Variants in SLC24A2 observed in about 807,000 individuals in gnomAD.
The protein encoded by SLC24A2 is solute carrier family 24 member 2, also known as sodium/potassium/calcium exchanger 2.
Under a neutral mutation model 62.0 loss-of-function variants are expected in SLC24A2, and 36 were observed. The ratio of observed to expected loss-of-function variants is 0.58; its 90% confidence interval spans 0.44 to 0.77. The LOEUF is 0.77. Ranked by LOEUF, SLC24A2 falls within the 30% of genes least tolerant of loss-of-function variation. The pLI is 0.00. For missense variants in SLC24A2, 846 were observed against 817.9 expected (o/e 1.03, Z -0.42); for synonymous variants, 358 against 294.0 (o/e 1.22, Z -2.23).
the SLC24A2 span, among the ~76,000 whole-genome samples, chr9:19,921,777 G>T: frequency 6.6e-6 from 1 of 152,116 alleles, no homozygotes; most frequent in Admixed American, 6.5e-5. Context: ...ACGGTACAAG[G>T]CCTCTTTTCA....
At chr9:20,129,682 C>A in the SLC24A2 span, among the ~76,000 whole-genome samples, 1 of 152,058 alleles carries the variant, frequency 6.6e-6, no homozygotes, top group East Asian at 1.9e-4. Flanking sequence ...CAAAAAAAGA[C>A]CACAAGTTTT....
the SLC24A2 span, among the ~76,000 whole-genome samples, chr9:20,047,000 A>G: frequency 6.6e-6 from 1 of 152,006 alleles, no homozygotes. Flanking sequence ...CCTTATTTTT[A>G]CGGGACTACT....
chr9:20,093,464 A>G, the SLC24A2 span, among the ~76,000 whole-genome samples: 2 of 152,158 alleles, frequency 1.3e-5, no homozygotes, highest in Non-Finnish European at 2.9e-5. Context: ...TAGTATATAC[A>G]TGAGTTTGAG....
chr9:19,675,237 C>A (rs886872815), intron 2 of SLC24A2, among the ~76,000 whole-genome samples: 1 of 152,196 alleles, frequency 6.6e-6, no homozygotes, highest in African/African-American at 2.4e-5. Flanking sequence ...TAGATACCAG[C>A]ACCTGCTCCA....
At chr9:19,968,260 T>A in the SLC24A2 span, among the ~76,000 whole-genome samples, 1 of 152,208 alleles carries the variant, frequency 6.6e-6, no homozygotes, top group Non-Finnish European at 1.5e-5. Flanking sequence ...GGGACCCACA[T>A]GGGCCACAGA....
At chr9:20,135,972 TA>T in the SLC24A2 span, among the ~76,000 whole-genome samples, 1 of 152,120 alleles carries the variant, frequency 6.6e-6, no homozygotes, top group South Asian at 2.1e-4. Context: ...AACAAACATT[TA>T]CTGAAGATCT....
intron 7 of SLC24A2, among the ~76,000 whole-genome samples, chr9:19,551,467 C>A (rs1358576599): frequency 1.3e-5 from 2 of 152,120 alleles, no homozygotes; most frequent in African/African-American, 4.8e-5. Context: ...TCAATACTTC[C>A]AAAACAGCAC....
chr9:20,217,987 C>A, the SLC24A2 span, among the ~76,000 whole-genome samples: 1 of 152,328 alleles, frequency 6.6e-6, no homozygotes, highest in Admixed American at 6.5e-5. Flanking sequence ...GAAACCCCAG[C>A]TTCATTTCTG....
intron 7 of SLC24A2, among the ~76,000 whole-genome samples, chr9:19,563,215 G>A (rs913653361): frequency 6.6e-6 from 1 of 152,064 alleles, no homozygotes; most frequent in Non-Finnish European, 1.5e-5. Flanking sequence ...TTCTAGTGGT[G>A]TCAGACATAA....
intron 2 of SLC24A2, among the ~76,000 whole-genome samples, chr9:19,769,573 T>C (rs1822622868): frequency 6.6e-6 from 1 of 152,258 alleles, no homozygotes; most frequent in Non-Finnish European, 1.5e-5. Context: ...GACCCTACAC[T>C]TACTGACCCC....
At chr9:19,618,931 C>T (rs1817838288) in intron 4 of SLC24A2, among the ~76,000 whole-genome samples, 1 of 152,160 alleles carries the variant, frequency 6.6e-6, no homozygotes, top group South Asian at 2.1e-4. Flanking sequence ...TGTATTTGGC[C>T]TCATTGTGAC....
the SLC24A2 span, among the ~76,000 whole-genome samples, chr9:20,068,228 A>G: frequency 6.6e-6 from 1 of 151,624 alleles, no homozygotes; most frequent in African/African-American, 2.4e-5. Flanking sequence ...ACGCCTGGAT[A>G]ATTTTCTGTA....
the SLC24A2 span, among the ~76,000 whole-genome samples, chr9:20,273,956 G>C: frequency 2.0e-5 from 3 of 152,086 alleles, no homozygotes; most frequent in Non-Finnish European, 4.4e-5. Flanking sequence ...TCTTTCTTTT[G>C]TAATATGGGT....
At chr9:19,993,061 A>G in the SLC24A2 span, among the ~76,000 whole-genome samples, 1 of 152,134 alleles carries the variant, frequency 6.6e-6, no homozygotes, top group Non-Finnish European at 1.5e-5. Context: ...TACGCTTTAT[A>G]GATATTAACC....
At chr9:19,760,345 C>T (rs1822281099) in intron 2 of SLC24A2, among the ~76,000 whole-genome samples, 1 of 152,130 alleles carries the variant, frequency 6.6e-6, no homozygotes, top group Non-Finnish European at 1.5e-5. Flanking sequence ...CATTACCACA[C>T]AAATGTACTA....
At chr9:20,125,020 T>C in the SLC24A2 span, among the ~76,000 whole-genome samples, 2 of 152,186 alleles carry the variant, frequency 1.3e-5, no homozygotes, top group African/African-American at 4.8e-5. Flanking sequence ...GGCAACTACC[T>C]TAACTTCTCT....
the SLC24A2 span, among the ~76,000 whole-genome samples, chr9:20,068,329 C>T: frequency 3.8e-4 from 57 of 152,000 alleles, no homozygotes; most frequent in East Asian, 1.9e-3. Flanking sequence ...CCCAAAGTGC[C>T]GGAATTACAG....
the SLC24A2 span, among the ~76,000 whole-genome samples, chr9:19,851,110 A>T: frequency 7.2e-6 from 1 of 138,216 alleles, no homozygotes; most frequent in Non-Finnish European, 1.5e-5. Context: ...CACAATCTCT[A>T]TCTCCTGGGT....
intron 2 of SLC24A2, among the ~76,000 whole-genome samples, chr9:19,694,428 T>G (rs1820127882): frequency 6.6e-6 from 1 of 152,160 alleles, no homozygotes; most frequent in Admixed American, 6.5e-5. Flanking sequence ...GAAAACAAAA[T>G]ATTTTTTTCT....
Sources: gnomAD v4.1 joint callset for allele counts (sites outside exome capture counted in the v4.1 genomes callset) on GRCh38, gnomAD v4.1.1 for gene constraint, MANE v1.5 for transcripts, NCBI Gene and HGNC (gene_info 2026-07-23, HGNC 2026-07-21) for gene names.